EMB: variants seen among roughly 807,000 people sequenced by gnomAD.
The protein encoded by EMB is embigin homolog.
In EMB, 31 loss-of-function variants were observed where a neutral mutation model predicts 41.4. The ratio of observed to expected loss-of-function variants is 0.75; its 90% CI spans 0.56 to 1.01. EMB has a LOEUF of 1.01. EMB is among the 50% of genes least tolerant of loss of function. The pLI is 0.00. For synonymous variants in EMB, 137 were observed against 140.4 expected (o/e 0.98, Z 0.17); for missense variants, 379 against 388.3 (o/e 0.98, Z 0.20).
chr5:50,438,210 A>T (rs1366014595), intron 1 of EMB, among the ~76,000 whole-genome samples: 1 of 152,234 alleles, frequency 6.6e-6, no homozygotes, highest in Admixed American at 6.5e-5. Context: ...TTAACTAAGT[A>T]TGTGTAATTA....
chr5:50,411,296 T>C lies in EMB; in HGVS notation c.284A>G (p.Asp95Gly). Residue 95 changes from aspartate (D) to glycine (G), a missense_variant, in exon 3 of 9, where the codon GAT (aspartate) becomes GGT (glycine). Transcript: ENST00000303221. ...NLTCQFTTSG[D>G]LNAVNVTWKK... ...CCAAGTCACATTTACTGCATTCAAA[T>C]CCCCAGATGTTGTGAACTGGCATGT... is the stretch of plus-strand genomic sequence containing the variant. 6.2e-7 allele frequency: 1 copy of C among 1,613,160 alleles called. No homozygotes were observed. The highest frequency in any genetic ancestry group is 8.5e-7 in the Non-Finnish European group (1 of 1,179,460).
At chr5:50,427,864 A>G (rs1745645716) in intron 2 of EMB, among the ~76,000 whole-genome samples, 1 of 152,208 alleles carries the variant, frequency 6.6e-6, no homozygotes, top group Non-Finnish European at 1.5e-5. Flanking sequence ...TGAAAACATA[A>G]GAGTATCTGC....
chr5:50,413,086 T>A (rs755014424), intron 2 of EMB, among the ~76,000 whole-genome samples: 1 of 151,872 alleles, frequency 6.6e-6, no homozygotes, highest in Non-Finnish European at 1.5e-5. Flanking sequence ...ACACACACAC[T>A]TAGGGAAAAC....
At chr5:50,402,466 C>T (rs1745179832) in intron 6 of EMB, 147 bp from the exon 7 acceptor site, 3 of 702,372 alleles carry the variant, frequency 4.3e-6, no homozygotes, top group South Asian at 3.2e-5. Context: ...ACCTTAAACA[C>T]CTACACCTCC....
upstream of EMB, chr5:50,441,516 G>GA (rs1215455947): frequency 5.5e-6 from 1 of 181,078 alleles, no homozygotes. Flanking sequence ...GGGAGAGGTC[G>GA]AAACTCTGCC....
chr5:50,414,695 T>C (rs1260200484), intron 2 of EMB, among the ~76,000 whole-genome samples: 4 of 152,268 alleles, frequency 2.6e-5, no homozygotes, highest in East Asian at 3.9e-4. Context: ...GCTTGTAAAA[T>C]TGCAAAATTG....
intron 2 of EMB, among the ~76,000 whole-genome samples, chr5:50,424,678 A>T (rs1009995188): frequency 1.9e-4 from 29 of 152,120 alleles, no homozygotes; most frequent in African/African-American, 6.8e-4. Context: ...AAATGGGGAA[A>T]ATTTTGTACC....
At chr5:50,438,150 T>C (rs1441455018) in intron 1 of EMB, among the ~76,000 whole-genome samples, 1 of 152,208 alleles carries the variant, frequency 6.6e-6, no homozygotes, top group Non-Finnish European at 1.5e-5. Flanking sequence ...GCACTGTGTT[T>C]AGGAAAACAG....
intron 5 of EMB, among the ~76,000 whole-genome samples, 198 bp downstream of exon 5, chr5:50,405,527 T>C (rs924415867): frequency 6.6e-5 from 10 of 151,976 alleles, no homozygotes; most frequent in Admixed American, 5.9e-4. Context: ...TATCTTCATA[T>C]GTATAACGTA....
At position 50,419,950 on chromosome 5, in the gene EMB, G is replaced by A. The variant is rs890520520; in HGVS notation, c.196+8194C>T. Among the ~76,000 whole-genome samples the A allele has an allele frequency of 1.2e-3, 177 of 152,250 alleles. 3 individuals carry two copies. Among genetic ancestry groups the A allele is most frequent in the Non-Finnish European group, 4.7e-4 (32 of 68,022 alleles). ...AGGAACAGAAAACCAAATACCGCATGTTCTCACTTATAAGTGGGAGCTGAA... is the reference window on the plus strand; with the variant it reads ...AGGAACAGAAAACCAAATACCGCATATTCTCACTTATAAGTGGGAGCTGAA... On this transcript the variant is annotated intron_variant, in intron 2 of 8. Coordinates refer to ENST00000303221, the MANE Select transcript of EMB (RefSeq NM_198449.3).
chr5:50,421,441 T>C (rs1745521223), intron 2 of EMB, among the ~76,000 whole-genome samples: 1 of 152,090 alleles, frequency 6.6e-6, no homozygotes. Flanking sequence ...TTTTACACTG[T>C]TGGTGGGACT....
chr5:50,433,145 GAGAC>G (rs1217109995), intron 1 of EMB, among the ~76,000 whole-genome samples: 2 of 152,014 alleles, frequency 1.3e-5, no homozygotes, highest in African/African-American at 4.8e-5. Context: ...TTCTAAGTCA[GAGAC>G]AGATAACACT....
chr5:50,407,011 C>T (rs1029183988), intron 4 of EMB, among the ~76,000 whole-genome samples: 6 of 151,918 alleles, frequency 3.9e-5, no homozygotes, highest in African/African-American at 1.5e-4. Flanking sequence ...GGGCAATGAC[C>T]TCAACAGCCC....
At chr5:50,403,112 A>G in intron 6 of EMB, 66 bp downstream of exon 6, 1 of 1,379,772 alleles carries the variant, frequency 7.2e-7, no homozygotes, top group Non-Finnish European at 9.8e-7. Context: ...TCATAAGTAA[A>G]TGATACTTAT....
At chr5:50,419,454 C>T (rs1456659365) in intron 2 of EMB, among the ~76,000 whole-genome samples, 3 of 151,758 alleles carry the variant, frequency 2.0e-5, no homozygotes, top group Admixed American at 6.6e-5. Flanking sequence ...ATGGATTATT[C>T]TAATGGATTT....
chr5:50,432,950 C>A (rs1416959422), intron 1 of EMB, among the ~76,000 whole-genome samples: 2 of 151,856 alleles, frequency 1.3e-5, no homozygotes, highest in East Asian at 3.9e-4. Context: ...TGGTGGCATG[C>A]ACCTGTGGTC....
chr5:50,403,990 A>T (rs1043568717), intron 5 of EMB, among the ~76,000 whole-genome samples: 7 of 151,886 alleles, frequency 4.6e-5, no homozygotes, highest in African/African-American at 1.7e-4. Flanking sequence ...ACCCTCTGTG[A>T]GCCTGGGATC....
intron 2 of EMB, among the ~76,000 whole-genome samples, chr5:50,415,670 C>T (rs923139400): frequency 9.2e-5 from 14 of 152,120 alleles, no homozygotes; most frequent in Non-Finnish European, 1.6e-4. Context: ...TCTAAGATTA[C>T]ACATCAAGAC....
chr5:50,440,255 A>C (rs1745876565), intron 1 of EMB, among the ~76,000 whole-genome samples: 1 of 152,108 alleles, frequency 6.6e-6, no homozygotes, highest in Non-Finnish European at 1.5e-5. Flanking sequence ...CATCCTCGGC[A>C]AGGTGAGGTG....
Sources: allele counts gnomAD v4.1 joint callset (sites outside exome capture counted in the v4.1 genomes callset), GRCh38; gene constraint gnomAD v4.1.1; transcripts MANE v1.5; gene names NCBI Gene and HGNC (gene_info 2026-07-23, HGNC 2026-07-21).